The following ARHGAP10 variants were observed in gnomAD, a reference collection of about 807,000 sequenced individuals.
ARHGAP10 encodes the protein rho GTPase-activating protein 10.
ARHGAP10 carries 87 observed loss-of-function variants against 108.6 expected under a neutral mutation model. That is an observed-to-expected ratio of 0.80 (90% CI 0.67 to 0.96). The LOEUF is 0.96. ARHGAP10 is among the 40% of genes least tolerant of loss of function. The pLI, the probability that ARHGAP10 is intolerant of heterozygous loss-of-function variation, is 0.00. For synonymous variants in ARHGAP10, 347 were observed against 341.1 expected (o/e 1.02, Z -0.19); for missense variants, 939 against 954.5 (o/e 0.98, Z 0.21).
intron 13 of ARHGAP10, among the ~76,000 whole-genome samples, chr4:147,926,632 G>A (rs900186838): frequency 6.6e-6 from 1 of 152,180 alleles, no homozygotes; most frequent in African/African-American, 2.4e-5. Context: ...GTAAGGTTTT[G>A]AGTGTCTAAG....
chr4:147,890,651 A>G (rs181745535), intron 10 of ARHGAP10, among the ~76,000 whole-genome samples: 110 of 152,240 alleles, frequency 7.2e-4, no homozygotes, highest in Middle Eastern at 3.4e-3. Context: ...ACCTGGTGAA[A>G]CCCCATCTCT....
At chr4:147,978,942 T>C (rs1739709261) in intron 18 of ARHGAP10, among the ~76,000 whole-genome samples, 1 of 152,198 alleles carries the variant, frequency 6.6e-6, no homozygotes, top group Non-Finnish European at 1.5e-5. Context: ...CAGTTCCTTA[T>C]AGATTCTGGA....
intron 1 of ARHGAP10, among the ~76,000 whole-genome samples, chr4:147,771,100 T>A (rs1387945358): frequency 6.6e-6 from 1 of 152,162 alleles, no homozygotes; most frequent in Non-Finnish European, 1.5e-5. Flanking sequence ...TCCTAGCACT[T>A]TGGGAGGCCC....
intron 13 of ARHGAP10, among the ~76,000 whole-genome samples, chr4:147,928,368 G>A (rs368310767): frequency 5.3e-4 from 80 of 152,330 alleles, no homozygotes; most frequent in African/African-American, 1.9e-3. Context: ...GTGCCAAACT[G>A]TCTGGTTTCT....
At chr4:147,890,944 C>T (rs1735775017) in intron 10 of ARHGAP10, among the ~76,000 whole-genome samples, 1 of 152,122 alleles carries the variant, frequency 6.6e-6, no homozygotes, top group African/African-American at 2.4e-5. Flanking sequence ...TTTATATCTA[C>T]TAGGATGGCT....
chr4:147,999,661 C>T (rs759346298), intron 18 of ARHGAP10, among the ~76,000 whole-genome samples: 2 of 152,176 alleles, frequency 1.3e-5, no homozygotes, highest in African/African-American at 2.4e-5. Context: ...CCCACAGCTT[C>T]GAATAGAGCT....
intron 1 of ARHGAP10, among the ~76,000 whole-genome samples, chr4:147,764,556 TAG>T (rs1209136245): frequency 1.3e-5 from 2 of 152,080 alleles, no homozygotes; most frequent in Non-Finnish European, 2.9e-5. Context: ...TTTTTTGAGA[TAG>T]AGTCTCACTC....
At chr4:148,071,619 A>G (rs1730182778) in intron 22 of ARHGAP10, among the ~76,000 whole-genome samples, 1 of 140,026 alleles carries the variant, frequency 7.1e-6, no homozygotes. Context: ...CCCTCTCAGG[A>G]AGAAAACAAA....
At chr4:147,740,047 C>CTTT (rs59246980) in intron 1 of ARHGAP10, among the ~76,000 whole-genome samples, 2 of 118,900 alleles carry the variant, frequency 1.7e-5, no homozygotes, top group African/African-American at 3.1e-5. Flanking sequence ...TACTGGGTTA[C>CTTT]TTTTTTTTTT....
At chr4:148,001,780 C>T (rs1355052502) in intron 18 of ARHGAP10, among the ~76,000 whole-genome samples, 1 of 152,208 alleles carries the variant, frequency 6.6e-6, no homozygotes, top group Non-Finnish European at 1.5e-5. Flanking sequence ...TGAGACTTTG[C>T]TGAAGTTGCT....
intron 5 of ARHGAP10, 112 bp downstream of exon 5, chr4:147,857,766 C>T: frequency 1.1e-6 from 1 of 948,432 alleles, no homozygotes; most frequent in Non-Finnish European, 1.4e-6. Flanking sequence ...ATAGAGATAA[C>T]AAAAAGTGAA....
intron 1 of ARHGAP10, among the ~76,000 whole-genome samples, chr4:147,821,426 T>C (rs1027998520): frequency 1.3e-5 from 2 of 152,196 alleles, no homozygotes; most frequent in African/African-American, 4.8e-5. Flanking sequence ...TTCTATACTT[T>C]AGGTGTAAGA....
At chr4:147,750,042 A>G (rs1294189232) in intron 1 of ARHGAP10, among the ~76,000 whole-genome samples, 2 of 152,372 alleles carry the variant, frequency 1.3e-5, no homozygotes, top group African/African-American at 2.4e-5. Context: ...CAAGCAAAGA[A>G]CAAAAAGATT....
chr4:148,047,085 G>T (rs1728922708), intron 20 of ARHGAP10, 34 bp downstream of exon 20: 1 of 1,607,506 alleles, frequency 6.2e-7, no homozygotes, highest in Middle Eastern at 1.7e-4. Context: ...GTGCTGAAGG[G>T]TGGAAGCCCT....
chr4:147,743,760 A>G (rs1162358858), intron 1 of ARHGAP10, among the ~76,000 whole-genome samples: 10 of 152,186 alleles, frequency 6.6e-5, no homozygotes, highest in Non-Finnish European at 1.3e-4. Flanking sequence ...CTGGGCAACA[A>G]GAGTGAAACT....
chr4:147,793,487 A>AGAATGGGGCCTTGAAAGGAG (rs1348243324), intron 1 of ARHGAP10, among the ~76,000 whole-genome samples: 1 of 152,118 alleles, frequency 6.6e-6, no homozygotes, highest in East Asian at 1.9e-4. Flanking sequence ...ATCTAGAAAA[A>AGAATGGGGCCTTGAAAGGAG]GAATGGGGCC....
chr4:147,822,847 T>G (rs1560776331), intron 2 of ARHGAP10, 25 bp downstream of exon 2: 2 of 1,613,912 alleles, frequency 1.2e-6, no homozygotes, highest in East Asian at 4.5e-5. Flanking sequence ...TATTTTGGTT[T>G]GTTTTCCTTT....
intron 13 of ARHGAP10, among the ~76,000 whole-genome samples, chr4:147,935,751 G>A (rs1737902374): frequency 6.6e-6 from 1 of 152,180 alleles, no homozygotes; most frequent in Admixed American, 6.5e-5. Flanking sequence ...TGAGAACAGT[G>A]TAGCAAGAAA....
intron 1 of ARHGAP10, among the ~76,000 whole-genome samples, chr4:147,741,132 A>G (rs1728640202): frequency 6.6e-6 from 1 of 152,168 alleles, no homozygotes; most frequent in Admixed American, 6.5e-5. Flanking sequence ...GACTTTGTTA[A>G]TTGATGTTCT....
Sources: allele counts gnomAD v4.1 joint callset (sites outside exome capture counted in the v4.1 genomes callset), GRCh38; gene constraint gnomAD v4.1.1; transcripts MANE v1.5; gene names NCBI Gene and HGNC (gene_info 2026-07-23, HGNC 2026-07-21).